The following ADAMTS12 variants were observed in gnomAD, a reference collection of about 807,000 sequenced individuals.
ADAMTS12 encodes ADAM metallopeptidase with thrombospondin type 1 motif 12.
A neutral mutation model predicts 167.8 loss-of-function variants in ADAMTS12; 118 were observed. The observed-to-expected ratio is 0.70, with a 90% CI of 0.61 to 0.82. The LOEUF (loss-of-function observed/expected upper bound fraction) is 0.82. ADAMTS12 is among the 40% of genes least tolerant of loss of function. The pLI, the probability that ADAMTS12 is intolerant of heterozygous loss-of-function variation, is 0.00. For synonymous variants in ADAMTS12, 704 were observed against 716.9 expected (o/e 0.98, Z 0.29); for missense variants, 1,916 against 1,998.8 (o/e 0.96, Z 0.79).
intron 3 of ADAMTS12, among the ~76,000 whole-genome samples, chr5:33,727,917 G>C (rs1406464462): frequency 6.6e-6 from 1 of 152,230 alleles, no homozygotes; most frequent in Non-Finnish European, 1.5e-5. Flanking sequence ...GGCTTACTGA[G>C]AGCATGGCAC....
At chr5:33,721,668 C>A (rs1743811581) in intron 3 of ADAMTS12, among the ~76,000 whole-genome samples, 1 of 152,228 alleles carries the variant, frequency 6.6e-6, no homozygotes, top group South Asian at 2.1e-4. Context: ...CCGAGCCTTT[C>A]CTGCCAATGC....
intron 3 of ADAMTS12, among the ~76,000 whole-genome samples, chr5:33,735,833 G>A (rs1744354420): frequency 6.6e-6 from 1 of 152,148 alleles, no homozygotes; most frequent in Non-Finnish European, 1.5e-5. Context: ...AACCTCTGGT[G>A]CCCAGGAACA....
intron 23 of ADAMTS12, among the ~76,000 whole-genome samples, chr5:33,528,843 G>A (rs1463308968): frequency 2.0e-5 from 3 of 152,154 alleles, no homozygotes; most frequent in African/African-American, 7.2e-5. Flanking sequence ...TCAGGAATTC[G>A]AGACTAGTCT....
At chr5:33,830,252 G>C (rs868181988) in intron 2 of ADAMTS12, among the ~76,000 whole-genome samples, 2 of 152,198 alleles carry the variant, frequency 1.3e-5, no homozygotes, top group African/African-American at 4.8e-5. Flanking sequence ...GATCCCTTCA[G>C]AAGATAGAGG....
At chr5:33,675,540 A>G (rs1741873106) in intron 5 of ADAMTS12, among the ~76,000 whole-genome samples, 1 of 152,212 alleles carries the variant, frequency 6.6e-6, no homozygotes, top group African/African-American at 2.4e-5. Context: ...CTTTCTTCCT[A>G]TTCCTATTTA....
At chr5:33,550,057 C>T (rs1381899649) in intron 20 of ADAMTS12, among the ~76,000 whole-genome samples, 4 of 152,192 alleles carry the variant, frequency 2.6e-5, no homozygotes, top group Non-Finnish European at 5.9e-5. Flanking sequence ...CTTCTCAGCA[C>T]TTGCCCCCGA....
intron 2 of ADAMTS12, among the ~76,000 whole-genome samples, chr5:33,779,754 T>A (rs1352104100): frequency 6.6e-6 from 1 of 152,108 alleles, no homozygotes; most frequent in Non-Finnish European, 1.5e-5. Context: ...CACTTATATG[T>A]GGAATCTAAA....
Position 33,596,073 on chromosome 5 carries a change from C to G in ADAMTS12, c.2528-13G>C, listed in dbSNP as rs1737848530. On this transcript the variant is annotated splice_polypyrimidine_tract_variant and intron_variant, in intron 16 of 23. Coordinates refer to ENST00000504830, the MANE Select transcript of ADAMTS12 (RefSeq NM_030955.4). ...TGGCGGCGGATACCTGGGGGTCAGA[C>G]AGAAAGATTCACACATATTGAATCC... 2 of 1,613,398 alleles carry G rather than the reference C, an allele frequency of 1.2e-6. No individual in the cohort carries two copies. Among genetic ancestry groups the G allele is most frequent in the Non-Finnish European group, 8.5e-7 (1 of 1,179,694 alleles).
At chr5:33,786,201 T>A (rs1746317847) in intron 2 of ADAMTS12, among the ~76,000 whole-genome samples, 1 of 152,020 alleles carries the variant, frequency 6.6e-6, no homozygotes, top group South Asian at 2.1e-4. Flanking sequence ...CTTTTGGGGG[T>A]CATGGAAATA....
intron 3 of ADAMTS12, among the ~76,000 whole-genome samples, chr5:33,717,651 T>C (rs551959183): frequency 4.6e-5 from 7 of 152,154 alleles, no homozygotes; most frequent in Non-Finnish European, 1.0e-4. Context: ...TTGATCACTG[T>C]GAATAACTTA....
At chr5:33,630,698 A>G in intron 13 of ADAMTS12, 82 bp downstream of exon 13, 2 of 1,479,486 alleles carry the variant, frequency 1.4e-6, no homozygotes, top group South Asian at 2.6e-5. Context: ...CTGTGAAAGC[A>G]CAAACCTAGA....
chr5:33,796,467 G>A (rs182374780), intron 2 of ADAMTS12, among the ~76,000 whole-genome samples: 1 of 152,196 alleles, frequency 6.6e-6, no homozygotes, highest in Non-Finnish European at 1.5e-5. Flanking sequence ...TATTAATATA[G>A]GTATGTAGCA....
chr5:33,670,528 G>A (rs1741643452), intron 5 of ADAMTS12, among the ~76,000 whole-genome samples: 2 of 152,156 alleles, frequency 1.3e-5, no homozygotes, highest in Non-Finnish European at 2.9e-5. Flanking sequence ...GATCACCTGA[G>A]GTCAGGAGTT....
intron 5 of ADAMTS12, among the ~76,000 whole-genome samples, chr5:33,680,664 A>G (rs562721830): frequency 6.6e-6 from 1 of 152,288 alleles, no homozygotes; most frequent in South Asian, 2.1e-4. Context: ...ATACAAATAT[A>G]CAATGAGCAC....
chr5:33,601,987 T>C (rs568858032), intron 16 of ADAMTS12, among the ~76,000 whole-genome samples: 2 of 144,202 alleles, frequency 1.4e-5, no homozygotes, highest in East Asian at 4.2e-4. Context: ...TGATTATGAC[T>C]CCCTTTCTGT....
intron 3 of ADAMTS12, among the ~76,000 whole-genome samples, chr5:33,689,511 T>A (rs1742475383): frequency 6.6e-6 from 1 of 152,116 alleles, no homozygotes; most frequent in Admixed American, 6.5e-5. Flanking sequence ...TGAAGGACAT[T>A]TGTCTACGAG....
At chr5:33,690,200 C>G (rs1048909884) in intron 3 of ADAMTS12, among the ~76,000 whole-genome samples, 3 of 152,218 alleles carry the variant, frequency 2.0e-5, no homozygotes, top group Non-Finnish European at 2.9e-5. Context: ...TCCAGGCCAG[C>G]TTGGGTATAT....
At chr5:33,788,675 T>G (rs2112453277) in intron 2 of ADAMTS12, among the ~76,000 whole-genome samples, 1 of 152,266 alleles carries the variant, frequency 6.6e-6, no homozygotes, top group East Asian at 1.9e-4. Context: ...GAAAGGATCC[T>G]TGGATTATAG....
intron 17 of ADAMTS12, 144 bp from the exon 18 acceptor site, chr5:33,588,953 C>T (rs1232166815): frequency 2.4e-5 from 23 of 951,052 alleles, no homozygotes; most frequent in South Asian, 1.4e-5. Flanking sequence ...GGGCGTGCTG[C>T]AGACAGGGCC....
Sources: allele counts gnomAD v4.1 joint callset (sites outside exome capture counted in the v4.1 genomes callset), GRCh38; gene constraint gnomAD v4.1.1; transcripts MANE v1.5; gene names NCBI Gene and HGNC (gene_info 2026-07-23, HGNC 2026-07-21).